The following NRG1 variants were observed in gnomAD, a reference collection of about 807,000 sequenced individuals.
NRG1 encodes the protein neuregulin 1.
A neutral mutation model predicts 63.8 loss-of-function variants in NRG1; 18 were observed. The ratio of observed to expected loss-of-function variants is 0.28; its 90% CI spans 0.19 to 0.42. The LOEUF is 0.42. Among genes scored for constraint, NRG1 ranks in the 10% least tolerant of loss-of-function variants. The probability of loss-of-function intolerance (pLI) is 1.00; values close to 1 mark genes in which losing one functional copy is unlikely to be tolerated. For missense variants in NRG1, 762 were observed against 814.7 expected (o/e 0.94, Z 0.79); for synonymous variants, 302 against 301.3 (o/e 1.00, Z -0.02).
chr8:32,618,255 T>C (rs898071239), intron 5 of NRG1, among the ~76,000 whole-genome samples: 1 of 152,188 alleles, frequency 6.6e-6, no homozygotes, highest in African/African-American at 2.4e-5. Context: ...TTTTCTTTTT[T>C]GGCATTTTGT....
chr8:31,640,039 C>G lies in NRG1; in HGVS notation c.37+608C>G. 1 of 1,141,648 alleles carries G rather than the reference C, an allele frequency of 8.8e-7. No homozygotes were observed. Among genetic ancestry groups the G allele is most frequent in the Non-Finnish European group, 1.1e-6 (1 of 931,870 alleles). The allele number at this position is 1,141,648 out of a possible 1,614,324, so 70.7% of individuals were successfully genotyped here. Reference sequence around the variant, plus strand: ...CGGGCGTCCCGGCCCCCGGGCCCAGCGCCCCGGCTCCGCCGCCCGCTCGTC... The same window carrying G: ...CGGGCGTCCCGGCCCCCGGGCCCAGGGCCCCGGCTCCGCCGCCCGCTCGTC... On this transcript the variant is annotated intron_variant, in intron 1 of 10. Transcript: ENST00000519301. This position sits in a 1 kb window ranked among gnomAD's most constrained non-coding sequence, Gnocchi z 6.3.
intron 1 of NRG1, among the ~76,000 whole-genome samples, chr8:32,422,456 TTGA>T (rs1305208851): frequency 1.4e-4 from 22 of 152,250 alleles, no homozygotes; most frequent in Admixed American, 9.8e-4. Context: ...CAAAATCCTC[TTGA>T]TGAACACAGA....
upstream of NRG1, among the ~76,000 whole-genome samples, chr8:32,544,367 T>G (rs1458996153): frequency 6.6e-6 from 1 of 152,194 alleles, no homozygotes; most frequent in African/African-American, 2.4e-5. Context: ...GCCTTGTTTT[T>G]CATATTGTAT....
At chr8:32,385,735 T>C (rs7836108) in intron 1 of NRG1, among the ~76,000 whole-genome samples, 55,179 of 151,860 alleles carry the variant, frequency 0.36, 10,604 homozygotes, top group Middle Eastern at 0.43. Flanking sequence ...CCAGGCCCCA[T>C]CTTCAACACT....
intron 1 of NRG1, among the ~76,000 whole-genome samples, chr8:31,980,546 T>C (rs148025722): frequency 6.6e-6 from 1 of 152,242 alleles, no homozygotes; most frequent in East Asian, 1.9e-4. Context: ...GCTATATATC[T>C]GCAACCAAAG....
intron 1 of NRG1, among the ~76,000 whole-genome samples, chr8:31,849,670 G>A (rs995143501): frequency 2.0e-5 from 3 of 152,100 alleles, no homozygotes; most frequent in African/African-American, 4.8e-5. Context: ...CATCTTTGAC[G>A]CTTCCATCAC....
At chr8:31,951,737 A>G (rs1425915834) in intron 1 of NRG1, among the ~76,000 whole-genome samples, 1 of 152,218 alleles carries the variant, frequency 6.6e-6, no homozygotes, top group African/African-American at 2.4e-5. Context: ...CAAAATGAGC[A>G]TGTTTTCCTT....
chr8:32,443,160 CA>C lies in NRG1; in HGVS notation c.38-152665del, dbSNP rs529948282. On this transcript the variant is annotated intron_variant, in intron 1 of 10. Coordinates refer to the NRG1 transcript ENST00000519301. Reference sequence around the variant, plus strand: ...ATTTCCCAGGCTGGTATCAAACTCTCAAACTTCCTGGTCTCAAGCAGTTCTC... The same window carrying C: ...ATTTCCCAGGCTGGTATCAAACTCTCAACTTCCTGGTCTCAAGCAGTTCTC... Among the ~76,000 whole-genome samples the C allele has an allele frequency of 2.3e-4, 35 of 152,176 alleles. No homozygotes were observed. The South Asian group carries it at 2.7e-3, about 12-fold the overall frequency.
At chr8:32,594,670 T>C (rs992857018) in intron 1 of NRG1, among the ~76,000 whole-genome samples, 4 of 152,224 alleles carry the variant, frequency 2.6e-5, no homozygotes, top group African/African-American at 7.2e-5. Context: ...TTTCGGTACA[T>C]ATTTTTAAGC....
Position 31,905,114 on chromosome 8 carries a change from C to A in NRG1, c.37+265683C>A, listed in dbSNP as rs554716433. ...GAAGAAGCTGATCTATGGAGAAGAC[C>A]CATAGGACAGTAGTATTGAGAAAGC... On this transcript the variant is annotated intron_variant, in intron 1 of 10. Transcript: ENST00000519301. Among the ~76,000 whole-genome samples, 4 of 151,966 alleles carry A rather than the reference C, an allele frequency of 2.6e-5. No individual in the cohort carries two copies. In the South Asian group the frequency reaches 8.3e-4, roughly 32 times the overall value.
intron 1 of NRG1, among the ~76,000 whole-genome samples, chr8:31,773,475 C>T (rs1263291126): frequency 1.3e-5 from 2 of 152,160 alleles, no homozygotes; most frequent in African/African-American, 4.8e-5. Flanking sequence ...CAACTAAAAA[C>T]CTAGCTCAAA....
chr8:31,871,221 C>T (rs375795726), intron 1 of NRG1, among the ~76,000 whole-genome samples: 5 of 150,742 alleles, frequency 3.3e-5, no homozygotes, highest in East Asian at 2.0e-4. Flanking sequence ...GTGATCCACC[C>T]GCCTTGGCCT....
At chr8:31,801,354 T>C (rs1338256292) in intron 1 of NRG1, among the ~76,000 whole-genome samples, 1 of 152,216 alleles carries the variant, frequency 6.6e-6, no homozygotes, top group African/African-American at 2.4e-5. Flanking sequence ...TTAGCGTCTT[T>C]CTTGTGTATT....
chr8:32,759,370 T>C (rs756390142), exon 10 of NRG1: 3 of 1,614,022 alleles, frequency 1.9e-6, no homozygotes, highest in East Asian at 2.2e-5. Flanking sequence ...GAGACATCCT[T>C]TTCCACCAGT....
At chr8:32,731,144 C>G (rs1323905739) in intron 6 of NRG1, among the ~76,000 whole-genome samples, 2 of 152,124 alleles carry the variant, frequency 1.3e-5, no homozygotes, top group Non-Finnish European at 2.9e-5. Context: ...TTAGCCCTCC[C>G]ACGTCCAATA....
At chr8:31,822,756 G>T (rs1824124281) in intron 1 of NRG1, among the ~76,000 whole-genome samples, 1 of 152,094 alleles carries the variant, frequency 6.6e-6, no homozygotes. Flanking sequence ...GGTTTTATAT[G>T]CAGGGGTGTT....
At chr8:32,221,144 TTTC>T (rs1586181037) in intron 1 of NRG1, 1 of 116,288 alleles carries the variant, frequency 8.6e-6, no homozygotes, top group Admixed American at 1.0e-4. Context: ...GTAATGAATA[TTTC>T]TTATCTATAT....
At chr8:32,690,265 G>A (rs1449858850) in intron 5 of NRG1, among the ~76,000 whole-genome samples, 1 of 151,952 alleles carries the variant, frequency 6.6e-6, no homozygotes, top group Non-Finnish European at 1.5e-5. Context: ...AGTAATTATA[G>A]GATCCCAAGA....
At chr8:32,632,792 A>G (rs2439273) in intron 5 of NRG1, among the ~76,000 whole-genome samples, 26,804 of 152,144 alleles carry the variant, frequency 0.18, 2,469 homozygotes, top group African/African-American at 0.24. Flanking sequence ...ATCTCTGAGC[A>G]GCTCATTCAT....
Sources: gnomAD v4.1 joint callset for allele counts (sites outside exome capture counted in the v4.1 genomes callset) on GRCh38, gnomAD v4.1.1 for gene constraint, Gnocchi (gnomAD v3.1) non-coding constraint, MANE v1.5 for transcripts, NCBI Gene and HGNC (gene_info 2026-07-23, HGNC 2026-07-21) for gene names.